CCDC85A: variants seen among roughly 807,000 people sequenced by gnomAD.
The protein encoded by CCDC85A is coiled-coil domain containing 85A.
Under a neutral mutation model 50.2 loss-of-function variants are expected in CCDC85A, and 38 were observed. The ratio of observed to expected loss-of-function variants is 0.76; its 90% CI spans 0.58 to 0.99. CCDC85A has a LOEUF of 0.99. Among genes scored for constraint, CCDC85A ranks in the 50% least tolerant of loss-of-function variants. The probability of loss-of-function intolerance (pLI) is 0.00; values close to 1 mark genes in which losing one functional copy is unlikely to be tolerated. For synonymous variants in CCDC85A, 366 were observed against 301.4 expected (o/e 1.21, Z -2.22); for missense variants, 820 against 742.0 (o/e 1.11, Z -1.22).
intron 3 of CCDC85A, among the ~76,000 whole-genome samples, chr2:56,351,107 GT>G (rs918174699): frequency 7.1e-6 from 1 of 140,404 alleles, no homozygotes; most frequent in Non-Finnish European, 1.5e-5. Flanking sequence ...GCGGTGTTTG[GT>G]TTTTTGTTCT....
At chr2:56,280,358 T>G (rs1045485784) in intron 2 of CCDC85A, among the ~76,000 whole-genome samples, 1 of 152,182 alleles carries the variant, frequency 6.6e-6, no homozygotes, top group Admixed American at 6.5e-5. Flanking sequence ...ACGTCTCAAG[T>G]TCAGTTTACT....
At chr2:56,316,169 C>A (rs1369262996) in intron 2 of CCDC85A, among the ~76,000 whole-genome samples, 1 of 152,084 alleles carries the variant, frequency 6.6e-6, no homozygotes, top group African/African-American at 2.4e-5. Flanking sequence ...ATTTCAAATA[C>A]AGTGTTGGCA....
rs1008468956 is a variant in CCDC85A at position 56,327,211 on chromosome 2, G to A, written c.1241-15668G>A. Among the ~76,000 whole-genome samples, 4 of 152,142 alleles carry A rather than the reference G, an allele frequency of 2.6e-5. No homozygotes were observed. In the South Asian group the frequency reaches 8.3e-4, roughly 32 times the overall value. Reference sequence around the variant, plus strand: ...CTTTAGCAGTTAAACCACTAATAAGGTTTATTGTAAAATGCATGGCAATTG... The same window carrying A: ...CTTTAGCAGTTAAACCACTAATAAGATTTATTGTAAAATGCATGGCAATTG... On this transcript the variant is annotated intron_variant, in intron 2 of 5. Transcript: ENST00000407595.
At position 56,347,810 on chromosome 2, in the gene CCDC85A, C is replaced by T. The variant is rs1051916489; in HGVS notation, c.1317+4855C>T. On this transcript the variant is annotated intron_variant, in intron 3 of 5. Coordinates refer to ENST00000407595, the MANE Select transcript of CCDC85A (RefSeq NM_001080433.2). Reference sequence around the variant, plus strand: ...TGATTTTTAGCCCAAATTCAAAAACCTTGCTTAGCTCTTTCTACTCCATTC... The same window carrying T: ...TGATTTTTAGCCCAAATTCAAAAACTTTGCTTAGCTCTTTCTACTCCATTC... 2.6e-5 allele frequency among the ~76,000 whole-genome samples: 4 copies of T among 152,066 alleles called. No individual in the cohort carries two copies. The East Asian group carries it at 5.8e-4, about 22-fold the overall frequency.
chr2:56,381,075 C>A (rs185729737), intron 5 of CCDC85A, among the ~76,000 whole-genome samples: 9 of 152,136 alleles, frequency 5.9e-5, no homozygotes, highest in African/African-American at 2.2e-4. Context: ...TTTTTATGTG[C>A]TGGAATGAGA....
At chr2:56,222,134 A>G (rs1668353130) in intron 2 of CCDC85A, among the ~76,000 whole-genome samples, 1 of 152,112 alleles carries the variant, frequency 6.6e-6, no homozygotes, top group African/African-American at 2.4e-5. Flanking sequence ...CAACACATGA[A>G]CTATGGGGGA....
chr2:56,295,645 T>A (rs1671915429), intron 2 of CCDC85A, among the ~76,000 whole-genome samples: 1 of 152,204 alleles, frequency 6.6e-6, no homozygotes. Flanking sequence ...AGTGTGAGTT[T>A]CTGCCACTCA....
intron 2 of CCDC85A, among the ~76,000 whole-genome samples, chr2:56,283,326 A>G (rs1177229673): frequency 6.6e-6 from 1 of 152,282 alleles, no homozygotes; most frequent in African/African-American, 2.4e-5. Context: ...TCTTAAAATC[A>G]TGAATAGGTG....
chr2:56,230,443 C>T (rs1024864160), intron 2 of CCDC85A, among the ~76,000 whole-genome samples: 1 of 152,154 alleles, frequency 6.6e-6, no homozygotes, highest in African/African-American at 2.4e-5. Context: ...TAGGCAATCC[C>T]AGGAGTTCAT....
chr2:56,312,461 G>A (rs1259504229), intron 2 of CCDC85A, among the ~76,000 whole-genome samples: 6 of 152,110 alleles, frequency 3.9e-5, no homozygotes, highest in Non-Finnish European at 8.8e-5. Flanking sequence ...AATTTATGAT[G>A]CATTAGGGCC....
At chr2:56,362,862 G>T (rs544576533) in intron 3 of CCDC85A, among the ~76,000 whole-genome samples, 1 of 152,046 alleles carries the variant, frequency 6.6e-6, no homozygotes, top group Admixed American at 6.6e-5. Flanking sequence ...GACCTCAGGT[G>T]ATCTGTCCCC....
At chr2:56,189,917 G>A (rs73940611) in intron 1 of CCDC85A, among the ~76,000 whole-genome samples, 2,975 of 152,282 alleles carry the variant, frequency 0.02, 104 homozygotes, top group African/African-American at 0.068. Flanking sequence ...GGTCAGGCCT[G>A]AAAACAGAAA....
intron 2 of CCDC85A, among the ~76,000 whole-genome samples, chr2:56,272,796 C>A (rs1670753678): frequency 6.6e-6 from 1 of 152,180 alleles, no homozygotes; most frequent in Admixed American, 6.5e-5. Context: ...TCAGTGAAGT[C>A]TCCAAGGCAA....
chr2:56,352,351 C>T (rs962906587), intron 3 of CCDC85A, among the ~76,000 whole-genome samples: 3 of 151,876 alleles, frequency 2.0e-5, no homozygotes, highest in Admixed American at 2.0e-4. Context: ...TGATTTGAGT[C>T]TTTCTTTTTC....
At position 56,262,972 on chromosome 2, in the gene CCDC85A, A is replaced by AT. The variant is rs529207942; in HGVS notation, c.1240+69542dup. ...AAAAATAAGAGGTGCCACAGAGAAC[A>AT]TTTTTTTTTTCAAGACCACTTAAAG... On this transcript the variant is annotated intron_variant, in intron 2 of 5. Coordinates refer to ENST00000407595, the MANE Select transcript of CCDC85A (RefSeq NM_001080433.2). Among the ~76,000 whole-genome samples the AT allele has an allele frequency of 6.1e-4, 92 of 150,672 alleles. 1 individual carries two copies. In the South Asian group the frequency reaches 8.6e-3, roughly 14 times the overall value.
At chr2:56,276,251 A>G (rs1055065346) in intron 2 of CCDC85A, among the ~76,000 whole-genome samples, 1 of 129,960 alleles carries the variant, frequency 7.7e-6, no homozygotes, top group African/African-American at 2.9e-5. Context: ...TTATGGACCT[A>G]GAAACATATT....
At chr2:56,246,120 C>T (rs1000459755) in intron 2 of CCDC85A, among the ~76,000 whole-genome samples, 3 of 152,050 alleles carry the variant, frequency 2.0e-5, no homozygotes, top group African/African-American at 7.2e-5. Flanking sequence ...GACAGGGTTT[C>T]ACCATGTTGG....
chr2:56,339,762 A>G (rs988575140), intron 2 of CCDC85A, among the ~76,000 whole-genome samples: 4 of 152,100 alleles, frequency 2.6e-5, no homozygotes, highest in African/African-American at 9.7e-5. Flanking sequence ...TTTCCAGAGG[A>G]AAGAGCAGGG....
intron 3 of CCDC85A, among the ~76,000 whole-genome samples, chr2:56,366,508 C>G (rs1675801856): frequency 6.6e-6 from 1 of 152,080 alleles, no homozygotes; most frequent in Non-Finnish European, 1.5e-5. Context: ...TAGAACTGTT[C>G]AGCATTTTTG....
Sources: gnomAD v4.1 joint callset for allele counts (sites outside exome capture counted in the v4.1 genomes callset) on GRCh38, gnomAD v4.1.1 for gene constraint, MANE v1.5 for transcripts, NCBI Gene and HGNC (gene_info 2026-07-23, HGNC 2026-07-21) for gene names.